The following AUTS2 variants were observed in gnomAD, a reference collection of about 807,000 sequenced individuals.
AUTS2 encodes the protein activator of transcription and developmental regulator AUTS2, also known as autism susceptibility gene 2 protein.
In AUTS2, 17 loss-of-function variants were observed where a neutral mutation model predicts 112.4. The ratio of observed to expected loss-of-function variants is 0.15; its 90% CI spans 0.10 to 0.23. AUTS2 has a LOEUF of 0.23. AUTS2 is among the 10% of genes least tolerant of loss of function. The pLI is 1.00. For synonymous variants in AUTS2, 751 were observed against 702.7 expected (o/e 1.07, Z -1.09); for missense variants, 1,510 against 1,701.6 (o/e 0.89, Z 1.98).
In AUTS2 at chr7:70,653,013, G is replaced by T. The variant is rs1240252801; in HGVS notation, c.691-45556G>T. Among the ~76,000 whole-genome samples, 11 of 152,160 alleles carry T rather than the reference G, an allele frequency of 7.2e-5. No individual in the cohort carries two copies. In the East Asian group the frequency reaches 2.1e-3, roughly 29 times the overall value. ...CTCATGCCTATAATCCCAGCACTTT[G>T]GGAGGTCAAGAGAGGAGGATCACTT... On this transcript the variant is annotated intron_variant, in intron 5 of 18. Coordinates refer to ENST00000342771, the MANE Select transcript of AUTS2 (RefSeq NM_015570.4).
intron 2 of AUTS2, among the ~76,000 whole-genome samples, chr7:69,946,147 G>A (rs976997186): frequency 6.6e-6 from 1 of 152,050 alleles, no homozygotes; most frequent in African/African-American, 2.4e-5. Flanking sequence ...ACACACAGCC[G>A]AATTTGATTT....
intron 6 of AUTS2, among the ~76,000 whole-genome samples, chr7:70,739,037 T>TGA (rs1787947624): frequency 4.3e-5 from 4 of 91,986 alleles, no homozygotes; most frequent in East Asian, 3.8e-4. Flanking sequence ...TTTTTTTTTT[T>TGA]GAGAGAGAGA....
chr7:70,170,534 A>G (rs1381865588), intron 4 of AUTS2, among the ~76,000 whole-genome samples: 2 of 151,888 alleles, frequency 1.3e-5, no homozygotes, highest in Non-Finnish European at 2.9e-5. Context: ...ATTATAGATC[A>G]CAGACATTTA....
intron 2 of AUTS2, among the ~76,000 whole-genome samples, chr7:69,988,169 T>A (rs1324550599): frequency 1.3e-5 from 2 of 152,218 alleles, no homozygotes; most frequent in Non-Finnish European, 2.9e-5. Flanking sequence ...GTCTCTTTTT[T>A]GTTCACTCAG....
At chr7:69,634,707 A>G (rs1412750144) in intron 1 of AUTS2, among the ~76,000 whole-genome samples, 1 of 152,194 alleles carries the variant, frequency 6.6e-6, no homozygotes, top group East Asian at 1.9e-4. Flanking sequence ...TATTTCGGGA[A>G]GAGGGATTTA....
chr7:69,886,441 A>G (rs747230291), intron 1 of AUTS2, among the ~76,000 whole-genome samples: 14 of 152,192 alleles, frequency 9.2e-5, no homozygotes, highest in African/African-American at 1.2e-4. Flanking sequence ...ACATATATAC[A>G]CACACTTCCT....
At chr7:69,854,544 A>G (rs1562929815) in intron 1 of AUTS2, among the ~76,000 whole-genome samples, 3 of 152,130 alleles carry the variant, frequency 2.0e-5, no homozygotes. Context: ...TTTTAGTGCC[A>G]TAGTGGTTTT....
chr7:70,038,860 A>G (rs1361651138), intron 2 of AUTS2, among the ~76,000 whole-genome samples: 1 of 151,964 alleles, frequency 6.6e-6, no homozygotes, highest in East Asian at 1.9e-4. Context: ...CCGGGTTCAA[A>G]CAATTCTCCT....
At chr7:70,743,615 C>G (rs562273831) in intron 6 of AUTS2, among the ~76,000 whole-genome samples, 2 of 152,044 alleles carry the variant, frequency 1.3e-5, no homozygotes, top group African/African-American at 2.4e-5. Flanking sequence ...AAGCATTTGT[C>G]GTGCATTGAT....
intron 1 of AUTS2, among the ~76,000 whole-genome samples, chr7:69,759,850 A>G (rs956676444): frequency 1.1e-4 from 14 of 129,348 alleles, no homozygotes; most frequent in Non-Finnish European, 1.5e-5. Context: ...TCTACTCTTC[A>G]TGTCTTCAAT....
chr7:69,656,478 A>G (rs1433011845), intron 1 of AUTS2, among the ~76,000 whole-genome samples: 1 of 152,124 alleles, frequency 6.6e-6, no homozygotes, highest in African/African-American at 2.4e-5. Flanking sequence ...TCTCTTTCAG[A>G]CTATTGGGTT....
chr7:70,526,661 C>A (rs1441788915), intron 5 of AUTS2, among the ~76,000 whole-genome samples: 1 of 152,182 alleles, frequency 6.6e-6, no homozygotes, highest in African/African-American at 2.4e-5. Context: ...CAGCAAGACT[C>A]TGTGTCAAAA....
intron 1 of AUTS2, among the ~76,000 whole-genome samples, chr7:69,718,487 A>G (rs1798741241): frequency 6.6e-6 from 1 of 152,038 alleles, no homozygotes; most frequent in Non-Finnish European, 1.5e-5. Flanking sequence ...CTTCATCTTC[A>G]AAGCCAGCAA....
intron 4 of AUTS2, among the ~76,000 whole-genome samples, chr7:70,406,363 G>A (rs1205990306): frequency 6.6e-6 from 1 of 152,116 alleles, no homozygotes; most frequent in Non-Finnish European, 1.5e-5. Context: ...CAAATGGATT[G>A]TACCTGCTGC....
chr7:69,648,020 G>T (rs2851504), intron 1 of AUTS2, among the ~76,000 whole-genome samples: 108,371 of 152,034 alleles, frequency 0.71, 38,671 homozygotes, highest in East Asian at 0.78. Context: ...TTTTAACATT[G>T]GTGTCTGAAA....
chr7:69,847,981 A>G (rs1402586819), intron 1 of AUTS2, among the ~76,000 whole-genome samples: 4 of 152,104 alleles, frequency 2.6e-5, no homozygotes, highest in African/African-American at 7.2e-5. Flanking sequence ...CTTTGGAGTA[A>G]CAGTTGTTGG....
chr7:69,904,834 A>G (rs1795093461), intron 2 of AUTS2, among the ~76,000 whole-genome samples: 1 of 152,214 alleles, frequency 6.6e-6, no homozygotes, highest in Non-Finnish European at 1.5e-5. Flanking sequence ...GAAAAACTGT[A>G]AGGAAAGATG....
At chr7:69,745,877 A>C (rs1258609995) in intron 1 of AUTS2, among the ~76,000 whole-genome samples, 2 of 152,112 alleles carry the variant, frequency 1.3e-5, no homozygotes, top group Non-Finnish European at 2.9e-5. Context: ...ATGTACATTA[A>C]ATTTTTTTCC....
At chr7:69,702,512 A>G (rs1797863114) in intron 1 of AUTS2, among the ~76,000 whole-genome samples, 1 of 152,184 alleles carries the variant, frequency 6.6e-6, no homozygotes, top group Admixed American at 6.5e-5. Context: ...TAGTTCTCTG[A>G]CTGGAAGAGG....
Sources: gnomAD v4.1 joint callset for allele counts (sites outside exome capture counted in the v4.1 genomes callset) on GRCh38, gnomAD v4.1.1 for gene constraint, MANE v1.5 for transcripts, NCBI Gene and HGNC (gene_info 2026-07-23, HGNC 2026-07-21) for gene names.